BRD4: variants seen among roughly 807,000 people sequenced by gnomAD.
BRD4 encodes bromodomain-containing protein 4.
BRD4 carries 16 observed loss-of-function variants against 142.1 expected under a neutral mutation model. The observed-to-expected ratio is 0.11, with a 90% CI of 0.08 to 0.17. The LOEUF (loss-of-function observed/expected upper bound fraction) is 0.17. BRD4 is among the 10% of genes least tolerant of loss of function. The probability of loss-of-function intolerance (pLI) is 1.00; values close to 1 mark genes in which losing one functional copy is unlikely to be tolerated. For synonymous variants in BRD4, 833 were observed against 707.5 expected (o/e 1.18, Z -2.82); for missense variants, 1,424 against 1,810.9 (o/e 0.79, Z 3.88).
At position 15,254,190 on chromosome 19, in the gene BRD4, C is replaced by G. The variant is rs2047381063; in HGVS notation, c.2120G>C (p.Ser707Thr). 3 of 1,614,236 alleles carry G rather than the reference C, an allele frequency of 1.9e-6. No individual in the cohort carries two copies. The highest frequency in any genetic ancestry group is 2.2e-5 in the South Asian group (2 of 91,082). Residue 707 changes from serine (S) to threonine (T), a missense_variant, in exon 11 of 20, where the codon AGT becomes ACT. Ser to Thr is a moderately conservative substitution (Grantham distance 58). Around this residue, in one of 16 missense-constraint regions of BRD4, gnomAD observed 598 missense variants for 647.8 expected, o/e 0.92. Coordinates refer to ENST00000679869, the MANE Select transcript of BRD4 (RefSeq NM_001379291.1). ...TTCGCTGTCAGAGGAGCTGGACTCA[C>G]TGGAGCTCTCCGACTCTGAGGACGA... The part of the protein sequence containing the change: ...GFSSSESESS[S>T]ESSSSDSEDS...
In BRD4 at chr19:15,238,917, G is replaced by T; in HGVS notation, c.3846C>A (p.Arg1282=). 6.3e-7 allele frequency: 1 copy of T among 1,595,510 alleles called. No individual in the cohort carries two copies. The highest frequency in any genetic ancestry group is 8.5e-7 in the Non-Finnish European group (1 of 1,173,084). ...ARRAHEEARR[R]QEQQQQQRQE... ...GGCGCTGCTGCTGCTGCTGCTCCTG[G>T]CGCCGACGTGCCTCCTCATGGGCCC... Residue 1282 remains arginine (R), a synonymous_variant, in exon 19 of 20, where the codon CGC becomes CGA. Coordinates refer to ENST00000679869, the MANE Select transcript of BRD4 (RefSeq NM_001379291.1). The surrounding 1 kb of genome is among the most constrained non-coding windows in gnomAD (Gnocchi z 7.2).
chr19:15,313,803 T>C (rs2047994385), intron 1 of BRD4, among the ~76,000 whole-genome samples: 1 of 152,198 alleles, frequency 6.6e-6, no homozygotes, highest in African/African-American at 2.4e-5. Context: ...TCCTAGCACA[T>C]GAACTAATGG....
At chr19:15,294,425 G>T (rs905361032) in intron 1 of BRD4, among the ~76,000 whole-genome samples, 1 of 152,270 alleles carries the variant, frequency 6.6e-6, no homozygotes, top group Non-Finnish European at 1.5e-5. Context: ...TCCAAAAGGG[G>T]ATGAGAAGAG....
chr19:15,329,080 CTTTTT>C (rs999954374), intron 1 of BRD4, among the ~76,000 whole-genome samples: 1 of 143,852 alleles, frequency 7.0e-6, no homozygotes, highest in African/African-American at 2.5e-5. Flanking sequence ...GCGCATTCTG[CTTTTT>C]TTTTTTTTAA....
intron 7 of BRD4, among the ~76,000 whole-genome samples, chr19:15,263,039 A>G (rs1224067696): frequency 6.6e-6 from 1 of 152,062 alleles, no homozygotes; most frequent in Non-Finnish European, 1.5e-5. Context: ...TGGTGGAGGG[A>G]TGTCCACAGT....
chr19:15,290,944 T>C (rs1568400118), intron 1 of BRD4, among the ~76,000 whole-genome samples: 1 of 152,114 alleles, frequency 6.6e-6, no homozygotes, highest in Non-Finnish European at 1.5e-5. Context: ...AAGAAAAAAC[T>C]CTATTGCATT....
intron 1 of BRD4, among the ~76,000 whole-genome samples, chr19:15,310,086 CATCAAGACAGAAACTACTTGCTGTGGAA>C (rs1408320926): frequency 6.6e-5 from 10 of 151,880 alleles, no homozygotes; most frequent in Non-Finnish European, 1.3e-4. Context: ...TTCAAGGTGA[CATCAAGACAGAAACTACTTGCTGTGGAA>C]ATCATTGTAC....
At chr19:15,245,098 G>A (rs2145519254) in intron 11 of BRD4, 2 of 414,004 alleles carry the variant, frequency 4.8e-6, no homozygotes, top group South Asian at 2.5e-5. Context: ...TATAGTGACT[G>A]AGTGCATGGC....
Position 15,243,333 on chromosome 19 carries a change from C to T in BRD4, c.2736G>A (p.Leu912=), listed in dbSNP as rs772876110. ...GGGCAGGTGGCTCTTCATCCTCCAG[C>T]AGCACTTGGGGGGGTTGGGCCATGG... ...QPPMAQPPQV[L]LEDEEPPAPP... is the part of the protein sequence containing the mutation. Residue 912 remains leucine, a synonymous_variant, in exon 14 of 20, where the codon CTG becomes CTA. Coordinates refer to ENST00000679869, the MANE Select transcript of BRD4 (RefSeq NM_001379291.1). 7.3e-7 allele frequency: 1 copy of T among 1,373,002 alleles called. No individual in the cohort carries two copies. The highest frequency in any genetic ancestry group is 9.4e-7 in the Non-Finnish European group (1 of 1,067,314). The allele number at this position is 1,373,002 out of a possible 1,614,324, so 85.1% of individuals were successfully genotyped here.
intron 1 of BRD4, among the ~76,000 whole-genome samples, chr19:15,308,169 T>C (rs1196980080): frequency 5.2e-4 from 1 of 1,912 alleles, no homozygotes; most frequent in Non-Finnish European, 9.0e-4. Context: ...GGGGGGTGGG[T>C]CGCGTAGTGA....
intron 11 of BRD4, among the ~76,000 whole-genome samples, chr19:15,250,337 C>T (rs551616702): frequency 3.3e-5 from 5 of 152,276 alleles, no homozygotes; most frequent in African/African-American, 9.6e-5. Flanking sequence ...CCTAGGTAAG[C>T]GCCACACTCT....
intron 1 of BRD4, among the ~76,000 whole-genome samples, chr19:15,288,934 G>A (rs930357899): frequency 2.6e-5 from 4 of 152,162 alleles, no homozygotes; most frequent in East Asian, 3.8e-4. Context: ...GTGTCAAGGC[G>A]GCTGTTAATA....
chr19:15,239,625 C>A lies in BRD4; in HGVS notation c.3445+34G>T, dbSNP rs2145501571. 1 of 1,560,496 alleles carries A rather than the reference C, an allele frequency of 6.4e-7. No individual in the cohort carries two copies. The highest frequency in any genetic ancestry group is 8.6e-7 in the Non-Finnish European group (1 of 1,162,116). ...ATGTCCAACACGGGCCTCGGGGGGC[C>A]TGAGCCCTGGCTGTGGGCAGGGAGA... On this transcript the variant is annotated intron_variant, in intron 16 of 19. Transcript: ENST00000679869. The surrounding 1 kb of genome is among the most constrained non-coding windows in gnomAD (Gnocchi z 7.4).
intron 1 of BRD4, among the ~76,000 whole-genome samples, chr19:15,276,997 G>A (rs2145636597): frequency 6.6e-6 from 1 of 151,964 alleles, no homozygotes; most frequent in South Asian, 2.1e-4. Context: ...TCTGTGGTGG[G>A]GGTCAGGCAG....
At chr19:15,288,196 G>A (rs555901004) in intron 1 of BRD4, among the ~76,000 whole-genome samples, 6 of 152,260 alleles carry the variant, frequency 3.9e-5, no homozygotes, top group Middle Eastern at 6.8e-3. Flanking sequence ...GAACATGGGC[G>A]TACAAATACA....
intron 11 of BRD4, chr19:15,249,242 A>C: frequency 6.2e-7 from 1 of 1,614,004 alleles, no homozygotes; most frequent in Non-Finnish European, 8.5e-7. Flanking sequence ...AGGAATCTGG[A>C]ACTGAAGACC....
At chr19:15,330,722 G>A (rs939574199) in intron 1 of BRD4, among the ~76,000 whole-genome samples, 2 of 152,148 alleles carry the variant, frequency 1.3e-5, no homozygotes, top group African/African-American at 4.8e-5. Context: ...AGCCGAGATC[G>A]CGCCACTGCA....
intron 1 of BRD4, among the ~76,000 whole-genome samples, chr19:15,306,878 C>T (rs1373703714): frequency 6.6e-6 from 1 of 152,112 alleles, no homozygotes; most frequent in Non-Finnish European, 1.5e-5. Flanking sequence ...AAACGTTGGT[C>T]ACATTACCAA....
At position 15,257,578 on chromosome 19, in the gene BRD4, T is replaced by C. The variant is rs547226869; in HGVS notation, c.1342-405A>G. Among the ~76,000 whole-genome samples the C allele has an allele frequency of 2.2e-4, 33 of 151,986 alleles. 1 individual carries two copies. The highest frequency in any genetic ancestry group is 2.0e-3 in the Admixed American group (30 of 15,280). ...CAGATGCGTGCGGGGGAGCAGGAGT[T>C]GTCTGTGGTTTGAGAGGGCATTCCA... On this transcript the variant is annotated intron_variant, in intron 7 of 19. Transcript: ENST00000679869.
Sources: allele counts gnomAD v4.1 joint callset (sites outside exome capture counted in the v4.1 genomes callset), GRCh38; gene constraint gnomAD v4.1.1; regional missense constraint gnomAD v4.1.1; non-coding constraint Gnocchi (gnomAD v3.1); transcripts MANE v1.5; gene names NCBI Gene and HGNC (gene_info 2026-07-23, HGNC 2026-07-21).